The following ALG6 variants were observed in gnomAD, a reference collection of about 807,000 sequenced individuals.
The protein encoded by ALG6 is dolichyl pyrophosphate Man9GlcNAc2 alpha-1,3-glucosyltransferase.
A neutral mutation model predicts 66.6 loss-of-function variants in ALG6; 46 were observed. The observed-to-expected ratio is 0.69, with a 90% CI of 0.55 to 0.88. ALG6 has a LOEUF of 0.88. Among genes scored for constraint, ALG6 ranks in the 40% least tolerant of loss-of-function variants. The pLI, the probability that ALG6 is intolerant of heterozygous loss-of-function variation, is 0.00. For missense variants in ALG6, 505 were observed against 586.8 expected (o/e 0.86, Z 1.44); for synonymous variants, 185 against 203.7 (o/e 0.91, Z 0.78).
intron 14 of ALG6, among the ~76,000 whole-genome samples, chr1:63,430,445 A>C (rs187303157): frequency 9.2e-4 from 140 of 152,294 alleles, no homozygotes; most frequent in African/African-American, 3.3e-3. Context: ...ATCATATGGT[A>C]ATTCTATGTT....
intron 2 of ALG6, among the ~76,000 whole-genome samples, chr1:63,377,460 C>T (rs1056510531): frequency 2.0e-5 from 3 of 151,866 alleles, no homozygotes; most frequent in African/African-American, 7.3e-5. Context: ...TGCTGTTTCC[C>T]TTCTCTATTG....
chr1:63,380,663 C>G (rs532034538), intron 2 of ALG6, among the ~76,000 whole-genome samples: 1 of 152,136 alleles, frequency 6.6e-6, no homozygotes, highest in Non-Finnish European at 1.5e-5. Context: ...TTAAATGATA[C>G]TATTTCAGTA....
chr1:63,420,799 T>C (rs1644568999), intron 12 of ALG6, among the ~76,000 whole-genome samples: 1 of 150,988 alleles, frequency 6.6e-6, no homozygotes, highest in Non-Finnish European at 1.5e-5. Flanking sequence ...AGGTGGAGGT[T>C]GCAGTGAGCT....
At chr1:63,423,029 T>C (rs1644596507) in intron 12 of ALG6, among the ~76,000 whole-genome samples, 1 of 151,304 alleles carries the variant, frequency 6.6e-6, no homozygotes, top group Non-Finnish European at 1.5e-5. Flanking sequence ...ATGCAATTTT[T>C]TTTTTTTTTT....
intron 2 of ALG6, among the ~76,000 whole-genome samples, chr1:63,375,410 ATT>A (rs766565038): frequency 7.8e-5 from 6 of 77,076 alleles, no homozygotes; most frequent in African/African-American, 2.0e-4. Flanking sequence ...CACCCCCGGC[ATT>A]TTTTTTTTTT....
Position 63,404,561 on chromosome 1 carries a change from T to G in ALG6, c.346+20T>G. 6.2e-7 allele frequency: 1 copy of G among 1,607,460 alleles called. No homozygotes were observed. The highest frequency in any genetic ancestry group is 8.5e-7 in the Non-Finnish European group (1 of 1,174,096). On this transcript the variant is annotated intron_variant, in intron 5 of 14. Coordinates refer to ENST00000263440, the MANE Select transcript of ALG6 (RefSeq NM_013339.4). ...CAACAGGTAAAAGAGCAATGGGTAG[T>G]GAATATAAAATTTGATTTTTTAAAA... is the stretch of plus-strand genomic sequence containing the variant.
chr1:63,399,802 T>G (rs2100408384), intron 3 of ALG6, among the ~76,000 whole-genome samples: 1 of 152,290 alleles, frequency 6.6e-6, no homozygotes, highest in Non-Finnish European at 1.5e-5. Context: ...CAGCCATTTT[T>G]TTTTTACTTA....
rs1359076557 is a variant in ALG6, at chr1:63,433,164, A to G, written c.1327-3659A>G. On this transcript the variant is annotated intron_variant, in intron 14 of 14. Coordinates refer to ENST00000263440, the MANE Select transcript of ALG6 (RefSeq NM_013339.4). The surrounding 1 kb of genome is among the most constrained non-coding windows in gnomAD (Gnocchi z 4.2). The stretch of plus-strand genomic sequence containing the variant: ...CACCATATTGGCCAGGCTGGTCTCG[A>G]ACTCCTGACCTCGTGATCCACCCGC... 6.6e-6 allele frequency among the ~76,000 whole-genome samples: 1 copy of G among 152,070 alleles called. No individual in the cohort carries two copies. The highest frequency in any genetic ancestry group is 1.5e-5 in the Non-Finnish European group (1 of 68,022).
chr1:63,397,358 G>A (rs371340296), intron 3 of ALG6, among the ~76,000 whole-genome samples: 5 of 152,064 alleles, frequency 3.3e-5, no homozygotes, highest in Admixed American at 6.6e-5. Flanking sequence ...GCTAATTTTT[G>A]TAGTTTTTAG....
rs370667539 is a variant in ALG6, at chr1:63,400,269, GTA to G, written c.168-1974_168-1973del. ...CGTATATATATGTATATATATATACGTATATATATATACGTATATATATATAC... is the reference window on the plus strand; with the variant it reads ...CGTATATATATGTATATATATATACGTATATATATACGTATATATATATAC... On this transcript the variant is annotated intron_variant, in intron 3 of 14. Coordinates refer to ENST00000263440, the MANE Select transcript of ALG6 (RefSeq NM_013339.4). 2.6e-4 allele frequency among the ~76,000 whole-genome samples: 2 copies of G among 7,550 alleles called. 1 individual carries two copies. Among genetic ancestry groups the G allele is most frequent in the East Asian group, 0.013 (2 of 160 alleles). 5.0% of individuals were successfully genotyped at this position (7,550 alleles called of 152,430 possible). A position where few individuals can be genotyped will look rare whatever the true frequency, so the allele number is the denominator to read the frequency against.
chr1:63,388,932 C>T lies in ALG6; in HGVS notation c.83-7581C>T, dbSNP rs1380770580. On this transcript the variant is annotated intron_variant, in intron 2 of 14. Transcript: ENST00000263440. ...CCTGTGTGGCTTTCTACTGAGAAGT[C>T]TGCTGCCAGATGTATTGGAACTCCT... Among the ~76,000 whole-genome samples, 4 of 152,204 alleles carry T rather than the reference C, an allele frequency of 2.6e-5. No homozygotes were observed. The South Asian group carries it at 6.2e-4, about 24-fold the overall frequency.
intron 14 of ALG6, among the ~76,000 whole-genome samples, chr1:63,432,939 A>C (rs1171151193): frequency 6.6e-6 from 1 of 151,672 alleles, no homozygotes; most frequent in Non-Finnish European, 1.5e-5. Flanking sequence ...CCTAATTTTT[A>C]TTTTTTATTT....
At position 63,407,044 on chromosome 1, in the gene ALG6, C is replaced by T. The variant is rs1251114729; in HGVS notation, c.430-18C>T. ...TGTAACAGATTACTTTCTTATCTCACAATATTTGTCTTTACAGATTGCTAA... is the reference window on the plus strand; with the variant it reads ...TGTAACAGATTACTTTCTTATCTCATAATATTTGTCTTTACAGATTGCTAA... On this transcript the variant is annotated intron_variant, in intron 6 of 14. Transcript: ENST00000263440. 2.5e-6 allele frequency: 4 copies of T among 1,589,898 alleles called. No homozygotes were observed. In the East Asian group the frequency reaches 9.0e-5, roughly 36 times the overall value.
intron 2 of ALG6, among the ~76,000 whole-genome samples, chr1:63,374,981 A>C (rs1648069171): frequency 6.6e-6 from 1 of 152,200 alleles, no homozygotes; most frequent in Admixed American, 6.5e-5. Context: ...AGGCTGAGGC[A>C]GGGGGATCAC....
At chr1:63,371,643 C>T (rs985135723) in intron 2 of ALG6, among the ~76,000 whole-genome samples, 5 of 151,598 alleles carry the variant, frequency 3.3e-5, no homozygotes, top group East Asian at 3.9e-4. Flanking sequence ...CTCGCTGTGT[C>T]GCCCAGGCTG....
intron 12 of ALG6, among the ~76,000 whole-genome samples, chr1:63,422,948 T>G (rs1644595804): frequency 6.6e-6 from 1 of 150,816 alleles, no homozygotes; most frequent in South Asian, 2.1e-4. Context: ...AGAGCAAAAC[T>G]CCGTCTCAAA....
At chr1:63,414,502 G>A (rs1326183370) in intron 10 of ALG6, among the ~76,000 whole-genome samples, 2 of 151,994 alleles carry the variant, frequency 1.3e-5, no homozygotes, top group Non-Finnish European at 2.9e-5. Flanking sequence ...CACCCACCTC[G>A]GCCTCCCAAA....
intron 7 of ALG6, among the ~76,000 whole-genome samples, chr1:63,410,360 T>C (rs1375368031): frequency 1.3e-5 from 2 of 152,284 alleles, no homozygotes; most frequent in East Asian, 3.9e-4. Context: ...GCTCAAGCAG[T>C]CCTCCTGCCT....
chr1:63,433,037 G>C lies in ALG6; in HGVS notation c.1327-3786G>C, dbSNP rs1276417130. Among the ~76,000 whole-genome samples the C allele has an allele frequency of 6.6e-6, 1 of 152,162 alleles. No individual in the cohort carries two copies. Among genetic ancestry groups the C allele is most frequent in the Admixed American group, 6.5e-5 (1 of 15,276 alleles). On this transcript the variant is annotated intron_variant, in intron 14 of 14. Coordinates refer to ENST00000263440, the MANE Select transcript of ALG6 (RefSeq NM_013339.4). The surrounding 1 kb of genome is among the most constrained non-coding windows in gnomAD (Gnocchi z 4.2). ...GGCTCACTGCAACCTCAACCTCCTG[G>C]GTTTATGCAATTCTTCTGCCTCAGC...
Sources: gnomAD v4.1 joint callset for allele counts (sites outside exome capture counted in the v4.1 genomes callset) on GRCh38, gnomAD v4.1.1 for gene constraint, Gnocchi (gnomAD v3.1) non-coding constraint, MANE v1.5 for transcripts, NCBI Gene and HGNC (gene_info 2026-07-23, HGNC 2026-07-21) for gene names.